The following SYN3 variants were observed in gnomAD, a reference collection of about 807,000 sequenced individuals.
SYN3 encodes the protein synapsin-3.
In SYN3, 35 loss-of-function variants were observed where a neutral mutation model predicts 65.8. That is an observed-to-expected ratio of 0.53 (90% confidence interval 0.41 to 0.70). The LOEUF is 0.70. SYN3 is among the 30% of genes least tolerant of loss of function. The probability of loss-of-function intolerance (pLI) is 0.00; values close to 1 mark genes in which losing one functional copy is unlikely to be tolerated. For synonymous variants in SYN3, 270 were observed against 292.9 expected (o/e 0.92, Z 0.80); for missense variants, 680 against 749.0 (o/e 0.91, Z 1.08).
At chr22:32,556,785 C>T in intron 7 of SYN3, among the ~76,000 whole-genome samples, 1 of 116,528 alleles carries the variant, frequency 8.6e-6, no homozygotes, top group South Asian at 3.2e-4. Context: ...ACCCAATGAC[C>T]CAATCTATAG....
chr22:32,736,409 T>C (rs1360340383), intron 6 of SYN3, among the ~76,000 whole-genome samples: 2 of 152,262 alleles, frequency 1.3e-5, no homozygotes, highest in Non-Finnish European at 2.9e-5. Context: ...TTGCTGCTTG[T>C]ATCAACAGTT....
chr22:32,520,752 C>A (rs1451819057), intron 12 of SYN3, among the ~76,000 whole-genome samples: 1 of 152,102 alleles, frequency 6.6e-6, no homozygotes, highest in Non-Finnish European at 1.5e-5. Flanking sequence ...GAGGACATGC[C>A]ACCTGTATAA....
intron 6 of SYN3, among the ~76,000 whole-genome samples, chr22:32,690,388 ATGGAT>A (rs2147151880): frequency 6.6e-6 from 1 of 152,130 alleles, no homozygotes; most frequent in East Asian, 1.9e-4. Flanking sequence ...AGCAGCAGAA[ATGGAT>A]TAAGACACTC....
chr22:32,826,429 A>AAAAT lies in SYN3; in HGVS notation c.711+38482_711+38485dup, dbSNP rs566442496. Among the ~76,000 whole-genome samples the AAAAT allele has an allele frequency of 4.7e-4, 72 of 152,204 alleles. 1 individual carries two copies. In the East Asian group the frequency reaches 9.1e-3, roughly 19 times the overall value. On this transcript the variant is annotated intron_variant, in intron 6 of 13. Transcript: ENST00000358763. ...GGGAGACAGAGCAAACTCCGTCTCA[A>AAAAT]AAATAAATAAATAAATAAATAAACA...
At chr22:32,524,696 A>G (rs1045384760) in intron 12 of SYN3, among the ~76,000 whole-genome samples, 11 of 152,190 alleles carry the variant, frequency 7.2e-5, no homozygotes, top group Non-Finnish European at 1.5e-5. Context: ...GTAATTTAAA[A>G]TCTGAGGTCA....
At chr22:32,680,966 A>G (rs1476041104) in intron 6 of SYN3, among the ~76,000 whole-genome samples, 2 of 152,210 alleles carry the variant, frequency 1.3e-5, no homozygotes, top group Non-Finnish European at 2.9e-5. Flanking sequence ...TTCTCCACAT[A>G]TCTTCACTTG....
At chr22:32,656,011 A>G (rs1430254203) in intron 6 of SYN3, among the ~76,000 whole-genome samples, 1 of 152,172 alleles carries the variant, frequency 6.6e-6, no homozygotes, top group Non-Finnish European at 1.5e-5. Context: ...CTCTACTTGT[A>G]AAACAGGGGT....
rs759420790 is a variant in SYN3, at chr22:32,604,009, G to T, written c.712-7273C>A. On this transcript the variant is annotated intron_variant, in intron 6 of 13. Coordinates refer to ENST00000358763, the MANE Select transcript of SYN3 (RefSeq NM_003490.4). ...CGGGGTAGCCCAGTGCCTATGCTGG[G>T]TGTTCCCTTGGGAGGATTAGAGATG... is the stretch of plus-strand genomic sequence containing the variant. Among the ~76,000 whole-genome samples the T allele has an allele frequency of 3.9e-5, 6 of 152,224 alleles. No individual in the cohort carries two copies. The East Asian group carries it at 1.2e-3, about 29-fold the overall frequency.
At chr22:32,940,174 C>A (rs1382401134) in intron 3 of SYN3, among the ~76,000 whole-genome samples, 1 of 152,010 alleles carries the variant, frequency 6.6e-6, no homozygotes, top group East Asian at 1.9e-4. Context: ...AGTGCCTGTT[C>A]AAGTTTTTTG....
At chr22:33,025,433 CAAA>C (rs33919912) in intron 1 of SYN3, among the ~76,000 whole-genome samples, 3,082 of 78,762 alleles carry the variant, frequency 0.039, 92 homozygotes, top group African/African-American at 0.11. Flanking sequence ...GACTCCGTCT[CAAA>C]AAAAAAAAAA....
intron 1 of SYN3, among the ~76,000 whole-genome samples, chr22:33,044,753 T>C (rs2145948180): frequency 6.6e-6 from 1 of 152,084 alleles, no homozygotes; most frequent in Non-Finnish European, 1.5e-5. Context: ...CTACACAGAA[T>C]TATTTCTGGT....
At chr22:32,621,000 G>A (rs1482630706) in intron 6 of SYN3, among the ~76,000 whole-genome samples, 1 of 152,206 alleles carries the variant, frequency 6.6e-6, no homozygotes. Context: ...TTACAGGTGT[G>A]AGCCACCGCA....
intron 4 of SYN3, among the ~76,000 whole-genome samples, chr22:32,930,776 G>A (rs2050605520): frequency 6.6e-6 from 1 of 152,082 alleles, no homozygotes; most frequent in Non-Finnish European, 1.5e-5. Context: ...TCATACATGT[G>A]TTTATCTCGC....
intron 6 of SYN3, among the ~76,000 whole-genome samples, chr22:32,711,616 C>T (rs1291954189): frequency 6.6e-6 from 1 of 152,178 alleles, no homozygotes; most frequent in Non-Finnish European, 1.5e-5. Flanking sequence ...TGCACCTGTA[C>T]TCAAAATAAC....
At chr22:32,627,324 GA>G (rs777712909) in intron 6 of SYN3, among the ~76,000 whole-genome samples, 13 of 152,166 alleles carry the variant, frequency 8.5e-5, no homozygotes, top group Non-Finnish European at 1.6e-4. Flanking sequence ...ACAAAACCAG[GA>G]AAACAGATGA....
chr22:32,694,339 A>C (rs2060707496), intron 6 of SYN3, among the ~76,000 whole-genome samples: 1 of 152,176 alleles, frequency 6.6e-6, no homozygotes, highest in Admixed American at 6.5e-5. Flanking sequence ...CTAGTGGTTT[A>C]GGATATTTAC....
chr22:32,554,690 A>G (rs965856238), intron 7 of SYN3, among the ~76,000 whole-genome samples: 23 of 152,198 alleles, frequency 1.5e-4, no homozygotes, highest in Non-Finnish European at 2.5e-4. Context: ...GGGGAAAGAC[A>G]CAGCAGTAAG....
chr22:32,717,204 G>A (rs1043836446), intron 6 of SYN3, among the ~76,000 whole-genome samples: 4 of 152,188 alleles, frequency 2.6e-5, no homozygotes, highest in Admixed American at 2.6e-4. Flanking sequence ...CAGATTGAGA[G>A]CTCAGCTAGA....
intron 4 of SYN3, among the ~76,000 whole-genome samples, chr22:32,892,402 A>C (rs2049475215): frequency 6.6e-6 from 1 of 152,236 alleles, no homozygotes; most frequent in Admixed American, 6.5e-5. Flanking sequence ...GGAGCTGAGG[A>C]TACAGAGGTT....
Sources: gnomAD v4.1 joint callset for allele counts (sites outside exome capture counted in the v4.1 genomes callset) on GRCh38, gnomAD v4.1.1 for gene constraint, MANE v1.5 for transcripts, NCBI Gene and HGNC (gene_info 2026-07-23, HGNC 2026-07-21) for gene names.